Variants in SLC44A5 observed in about 807,000 individuals in gnomAD.
SLC44A5 encodes the protein choline transporter-like protein 5.
A neutral mutation model predicts 101.8 loss-of-function variants in SLC44A5; 57 were observed. The ratio of observed to expected loss-of-function variants is 0.56; its 90% CI spans 0.45 to 0.70. The LOEUF (loss-of-function observed/expected upper bound fraction) is 0.70. Among genes scored for constraint, SLC44A5 ranks in the 30% least tolerant of loss-of-function variants. The pLI, the probability that SLC44A5 is intolerant of heterozygous loss-of-function variation, is 0.00. For synonymous variants in SLC44A5, 281 were observed against 290.9 expected, an observed-to-expected ratio of 0.97 and a Z score of 0.35; for missense variants, 737 against 853.1, an observed-to-expected ratio of 0.86 and a Z score of 1.70.
chr1:75,336,077 T>C (rs1279147683), intron 4 of SLC44A5, among the ~76,000 whole-genome samples: 1 of 122,202 alleles, frequency 8.2e-6, no homozygotes, highest in Non-Finnish European at 1.8e-5. Context: ...GAGGTCTAGA[T>C]TTTCATTTTT....
chr1:75,319,587 T>C (rs1055207850), intron 4 of SLC44A5, among the ~76,000 whole-genome samples: 3 of 152,192 alleles, frequency 2.0e-5, no homozygotes, highest in African/African-American at 7.2e-5. Context: ...CCTTTTTTTC[T>C]CCTGAACTAT....
chr1:75,224,949 A>T (rs1647166799), intron 13 of SLC44A5, among the ~76,000 whole-genome samples: 1 of 152,158 alleles, frequency 6.6e-6, no homozygotes, highest in Admixed American at 6.5e-5. Flanking sequence ...TAAAAGTTAT[A>T]GTAAGCTTAG....
the SLC44A5 span, among the ~76,000 whole-genome samples, chr1:75,718,976 GT>G: frequency 6.6e-6 from 1 of 152,090 alleles, no homozygotes; most frequent in Non-Finnish European, 1.5e-5. Flanking sequence ...CAATATGAAT[GT>G]TTTCTTTTGT....
intron 2 of SLC44A5, among the ~76,000 whole-genome samples, chr1:75,444,634 A>G (rs1480649014): frequency 6.6e-6 from 1 of 151,986 alleles, no homozygotes; most frequent in African/African-American, 2.4e-5. Flanking sequence ...AATAGAGATG[A>G]TACAAGCAAC....
intron 2 of SLC44A5, among the ~76,000 whole-genome samples, chr1:75,516,102 T>G (rs1319391566): frequency 6.6e-6 from 1 of 152,240 alleles, no homozygotes; most frequent in Non-Finnish European, 1.5e-5. Flanking sequence ...TAAAAAATTC[T>G]TGGTTATTTC....
chr1:75,215,453 C>T (rs1478096338), intron 19 of SLC44A5, among the ~76,000 whole-genome samples: 1 of 151,986 alleles, frequency 6.6e-6, no homozygotes, highest in Non-Finnish European at 1.5e-5. Context: ...CTCTTTCTTC[C>T]CACTAAACTA....
the SLC44A5 span, among the ~76,000 whole-genome samples, chr1:75,655,306 A>G: frequency 0.093 from 14,186 of 152,236 alleles, 866 homozygotes; most frequent in East Asian, 0.25. Context: ...AAAGTTAAAA[A>G]ATAAATAAAT....
At chr1:75,375,378 A>C (rs1281129597) in intron 3 of SLC44A5, among the ~76,000 whole-genome samples, 3 of 152,214 alleles carry the variant, frequency 2.0e-5, no homozygotes, top group African/African-American at 7.2e-5. Context: ...CATGTCTGAG[A>C]GAGAAGAGAG....
At chr1:75,446,458 C>T (rs1187380640) in intron 2 of SLC44A5, among the ~76,000 whole-genome samples, 1 of 152,118 alleles carries the variant, frequency 6.6e-6, no homozygotes, top group Non-Finnish European at 1.5e-5. Flanking sequence ...ATCACCTCTT[C>T]GAGCTTACAT....
At chr1:75,320,088 C>T (rs1010979996) in intron 4 of SLC44A5, among the ~76,000 whole-genome samples, 1 of 152,024 alleles carries the variant, frequency 6.6e-6, no homozygotes. Context: ...GTTTATTATA[C>T]ATAATTCAAA....
chr1:75,423,460 A>G (rs1368511344), intron 2 of SLC44A5, among the ~76,000 whole-genome samples: 1 of 152,212 alleles, frequency 6.6e-6, no homozygotes, highest in African/African-American at 2.4e-5. Flanking sequence ...TATTTCCCCT[A>G]AAGTATATAT....
At chr1:75,710,331 A>C in the SLC44A5 span, 3 of 152,148 alleles carry the variant, frequency 2.0e-5, no homozygotes, top group Non-Finnish European at 2.9e-5. Flanking sequence ...TGAGGCAGGA[A>C]GACTGCTTGA....
intron 5 of SLC44A5, among the ~76,000 whole-genome samples, chr1:75,293,638 A>G (rs1381084433): frequency 2.6e-5 from 4 of 152,248 alleles, no homozygotes; most frequent in Non-Finnish European, 2.9e-5. Context: ...CACCGCTGCT[A>G]TAGAAACATT....
At chr1:75,470,037 G>A (rs772725449) in intron 2 of SLC44A5, among the ~76,000 whole-genome samples, 1 of 151,900 alleles carries the variant, frequency 6.6e-6, no homozygotes, top group Non-Finnish European at 1.5e-5. Flanking sequence ...TTAGAGGCAA[G>A]TATTTATCAC....
At chr1:75,457,354 A>G (rs999739063) in intron 2 of SLC44A5, among the ~76,000 whole-genome samples, 2 of 152,214 alleles carry the variant, frequency 1.3e-5, no homozygotes, top group Non-Finnish European at 2.9e-5. Context: ...TTAAAAAAAC[A>G]GAAATGAACC....
intron 4 of SLC44A5, among the ~76,000 whole-genome samples, chr1:75,337,547 T>C (rs1657541304): frequency 6.6e-6 from 1 of 152,190 alleles, no homozygotes; most frequent in African/African-American, 2.4e-5. Flanking sequence ...CACTAATCAA[T>C]CATTTTTTGA....
At chr1:75,660,664 A>G in the SLC44A5 span, among the ~76,000 whole-genome samples, 6 of 152,196 alleles carry the variant, frequency 3.9e-5, no homozygotes, top group African/African-American at 1.4e-4. Context: ...AATCAGTAGC[A>G]TTCCAGCCAA....
chr1:75,640,390 C>T, the SLC44A5 span, among the ~76,000 whole-genome samples: 3 of 152,080 alleles, frequency 2.0e-5, no homozygotes, highest in African/African-American at 7.2e-5. Context: ...CCTTTGCTTG[C>T]TGTATATCTG....
intron 3 of SLC44A5, among the ~76,000 whole-genome samples, chr1:75,342,451 G>T (rs1657955684): frequency 6.6e-6 from 1 of 152,110 alleles, no homozygotes; most frequent in Non-Finnish European, 1.5e-5. Context: ...TTTTACAAAT[G>T]AGGAAGTTGG....
Sources: allele counts gnomAD v4.1 joint callset (sites outside exome capture counted in the v4.1 genomes callset), GRCh38; gene constraint gnomAD v4.1.1; transcripts MANE v1.5; gene names NCBI Gene and HGNC (gene_info 2026-07-23, HGNC 2026-07-21).